The following SPRED2 variants were observed in gnomAD, a reference collection of about 807,000 sequenced individuals.
SPRED2 encodes sprouty related EVH1 domain containing 2, also known as sprouty-related, EVH1 domain-containing protein 2.
A neutral mutation model predicts 43.0 loss-of-function variants in SPRED2; 47 were observed. The observed-to-expected ratio is 1.09, with a 90% CI of 0.87 to 1.40. The LOEUF is 1.40. SPRED2 is among the 40% of genes most tolerant of loss of function. SPRED2 has a pLI of 0.00. For missense variants in SPRED2, 561 were observed against 586.4 expected, an observed-to-expected ratio of 0.96 and a Z score of 0.45; for synonymous variants, 225 against 225.7, an observed-to-expected ratio of 1.00 and a Z score of 0.03.
intron 1 of SPRED2, among the ~76,000 whole-genome samples, chr2:65,424,401 T>G (rs1164881181): frequency 6.6e-6 from 1 of 152,166 alleles, no homozygotes; most frequent in Non-Finnish European, 1.5e-5. Flanking sequence ...CTTCAACCAA[T>G]TGATAACTGT....
intron 3 of SPRED2, among the ~76,000 whole-genome samples, chr2:65,333,442 G>A (rs1413026667): frequency 6.6e-6 from 1 of 151,888 alleles, no homozygotes; most frequent in Non-Finnish European, 1.5e-5. Context: ...TCTCTACTCT[G>A]AATTACTCCA....
chr2:65,373,329 G>A (rs1049681491), intron 1 of SPRED2, among the ~76,000 whole-genome samples: 1 of 152,202 alleles, frequency 6.6e-6, no homozygotes. Flanking sequence ...CCATAAAGAA[G>A]AGGGGAGTGG....
chr2:65,321,061 T>G (rs1034453088), intron 4 of SPRED2, among the ~76,000 whole-genome samples: 15 of 152,224 alleles, frequency 9.9e-5, no homozygotes, highest in African/African-American at 3.6e-4. Context: ...ACACTCCCCT[T>G]GCTCTCCAGT....
intron 5 of SPRED2, among the ~76,000 whole-genome samples, chr2:65,315,398 T>A (rs913408605): frequency 1.3e-5 from 2 of 152,188 alleles, no homozygotes; most frequent in Non-Finnish European, 2.9e-5. Flanking sequence ...TCACAGTCAT[T>A]ATCATATTGT....
intron 1 of SPRED2, among the ~76,000 whole-genome samples, chr2:65,400,420 G>A (rs1675858921): frequency 6.6e-6 from 1 of 152,196 alleles, no homozygotes; most frequent in Admixed American, 6.5e-5. Context: ...CAGAGAAACT[G>A]AAAAACTATT....
In SPRED2 at chr2:65,311,233, C is replaced by T. The variant is rs539821111; in HGVS notation, c.*2268G>A. 6.1e-6 allele frequency: 6 copies of T among 985,880 alleles called. No individual in the cohort carries two copies. In the African/African-American group the frequency reaches 1.0e-4, roughly 17 times the overall value. The allele number at this position is 985,880 out of a possible 1,614,324, so 61.1% of individuals were successfully genotyped here. A position where few individuals can be genotyped will look rare whatever the true frequency, so the allele number is the denominator to read the frequency against. ...AAGCTGACTGGGAAAATACTACACA[C>T]TGTTCAGCTGCAGTGTGGCAATTAG... On this transcript the variant is annotated 3_prime_UTR_variant, in exon 6 of 6. Transcript: ENST00000356388.
At chr2:65,373,381 T>C (rs1202712714) in intron 1 of SPRED2, among the ~76,000 whole-genome samples, 2 of 152,162 alleles carry the variant, frequency 1.3e-5, no homozygotes, top group Non-Finnish European at 2.9e-5. Context: ...ACCAATGGAT[T>C]GGGAGGAAAG....
intron 1 of SPRED2, among the ~76,000 whole-genome samples, chr2:65,402,609 G>A (rs970197369): frequency 2.0e-5 from 3 of 152,218 alleles, no homozygotes; most frequent in Non-Finnish European, 4.4e-5. Context: ...AAGGGGGTAG[G>A]ATTGAGCCCC....
chr2:65,369,038 G>A (rs910318256), intron 1 of SPRED2, among the ~76,000 whole-genome samples: 4 of 152,058 alleles, frequency 2.6e-5, no homozygotes, highest in South Asian at 2.1e-4. Context: ...TTGCACCACC[G>A]CACTCCAGCC....
At chr2:65,331,920 C>T (rs1419623251) in intron 4 of SPRED2, 67 bp downstream of exon 4, 27 of 1,317,128 alleles carry the variant, frequency 2.0e-5, no homozygotes, top group Non-Finnish European at 2.8e-5. Flanking sequence ...GCCTCATGCC[C>T]TTAAACAAAA....
chr2:65,377,615 C>T (rs553930837), intron 1 of SPRED2: 1 of 471,232 alleles, frequency 2.1e-6, no homozygotes, highest in East Asian at 6.9e-5. Flanking sequence ...AAACTCACCC[C>T]CTCCTTTCCT....
At chr2:65,430,756 G>A (rs1261585914) in intron 1 of SPRED2, among the ~76,000 whole-genome samples, 3 of 152,074 alleles carry the variant, frequency 2.0e-5, no homozygotes, top group Non-Finnish European at 4.4e-5. Context: ...CCGCTACCTT[G>A]GCTAATGGCA....
chr2:65,343,406 T>G (rs536127660), intron 2 of SPRED2, among the ~76,000 whole-genome samples: 238 of 152,352 alleles, frequency 1.6e-3, no homozygotes, highest in African/African-American at 5.4e-3. Context: ...CATTTACAAA[T>G]TGTTCTGTCT....
At chr2:65,328,415 G>C (rs980488415) in intron 4 of SPRED2, among the ~76,000 whole-genome samples, 10 of 152,254 alleles carry the variant, frequency 6.6e-5, no homozygotes, top group South Asian at 2.1e-4. Flanking sequence ...AGCAGTTTAC[G>C]GGCTTGCATT....
chr2:65,401,148 TA>T lies in SPRED2; in HGVS notation c.26+30813del, dbSNP rs1470313994. On this transcript the variant is annotated intron_variant, in intron 1 of 5. Coordinates refer to ENST00000356388, the MANE Select transcript of SPRED2 (RefSeq NM_181784.3). ...ACGCCTGGCAATTTTTTTTTTTTTT[TA>T]TTTCTTAGTAGAGACGTGGTTTCAC... is the stretch of plus-strand genomic sequence containing the variant. 7.3e-5 allele frequency among the ~76,000 whole-genome samples: 11 copies of T among 151,594 alleles called. No homozygotes were observed. The East Asian group carries it at 2.1e-3, about 29-fold the overall frequency.
chr2:65,355,232 T>G (rs1674614879), intron 1 of SPRED2, among the ~76,000 whole-genome samples: 1 of 152,186 alleles, frequency 6.6e-6, no homozygotes, highest in Admixed American at 6.5e-5. Flanking sequence ...TAGGGGCCTC[T>G]GTATCAGTCA....
chr2:65,322,256 CTCTCTCTCTCTCTCTATA>C (rs1371270625), intron 4 of SPRED2, among the ~76,000 whole-genome samples: 9 of 76,842 alleles, frequency 1.2e-4, no homozygotes, highest in Admixed American at 3.0e-4. Flanking sequence ...CTCTCTCTCT[CTCTCTCTCTCTCTCTATA>C]TATATATATA....
Position 65,323,953 on chromosome 2 carries a change from A to G in SPRED2, c.439-7070T>C, listed in dbSNP as rs187569596. 1.9e-3 allele frequency among the ~76,000 whole-genome samples: 293 copies of G among 151,100 alleles called. 1 individual carries two copies. Among genetic ancestry groups the G allele is most frequent in the Non-Finnish European group, 3.0e-3 (206 of 67,970 alleles). On this transcript the variant is annotated intron_variant, in intron 4 of 5. Transcript: ENST00000356388. ...GCGGGATGTGGGCTCAGACACAGAA[A>G]GTGACCATGTTGTTGGGGGAGATGC...
chr2:65,431,206 G>A (rs1572912346), intron 1 of SPRED2, among the ~76,000 whole-genome samples: 1 of 150,732 alleles, frequency 6.6e-6, no homozygotes, highest in East Asian at 1.9e-4. Flanking sequence ...CACCCGCGAG[G>A]ACACTCACAT....
Sources: gnomAD v4.1 joint callset for allele counts (sites outside exome capture counted in the v4.1 genomes callset) on GRCh38, gnomAD v4.1.1 for gene constraint, MANE v1.5 for transcripts, NCBI Gene and HGNC (gene_info 2026-07-23, HGNC 2026-07-21) for gene names.